THEM4: variants seen among roughly 807,000 people sequenced by gnomAD.
The protein encoded by THEM4 is thioesterase superfamily member 4, also known as acyl-coenzyme A thioesterase THEM4.
THEM4 carries 22 observed loss-of-function variants against 25.0 expected under a neutral mutation model. The observed-to-expected ratio is 0.88, with a 90% CI of 0.63 to 1.26. The LOEUF (loss-of-function observed/expected upper bound fraction) is 1.26, where lower values mean the gene tolerates loss of function less well. THEM4 is among the 50% of genes most tolerant of loss of function. The pLI is 0.00. For synonymous variants in THEM4, 113 were observed against 105.6 expected, an observed-to-expected ratio of 1.07 and a Z score of -0.43; for missense variants, 286 against 300.3, an observed-to-expected ratio of 0.95 and a Z score of 0.35.
chr1:151,904,541 G>C (rs964183744), intron 1 of THEM4, among the ~76,000 whole-genome samples: 3 of 152,108 alleles, frequency 2.0e-5, no homozygotes, highest in Non-Finnish European at 4.4e-5. Flanking sequence ...TTTTAAGCAA[G>C]GGAGTAATAT....
chr1:151,887,520 T>C (rs1315579054), intron 4 of THEM4, among the ~76,000 whole-genome samples: 1 of 150,672 alleles, frequency 6.6e-6, no homozygotes, highest in Non-Finnish European at 1.5e-5. Context: ...AGAGCAAAAG[T>C]CTTATACACT....
At chr1:151,889,167 TA>T in intron 3 of THEM4, 46 bp downstream of exon 3, 1 of 1,570,190 alleles carries the variant, frequency 6.4e-7, no homozygotes, top group Non-Finnish European at 8.7e-7. Flanking sequence ...GGGGGCAGTG[TA>T]AGATAAAAAT....
intron 1 of THEM4, among the ~76,000 whole-genome samples, chr1:151,901,237 A>G (rs1042398830): frequency 1.3e-5 from 2 of 152,226 alleles, no homozygotes; most frequent in African/African-American, 4.8e-5. Flanking sequence ...CTGCTGGGTT[A>G]GGGTCTCCAT....
chr1:151,879,047 T>C (rs983026056), intron 4 of THEM4, among the ~76,000 whole-genome samples: 1 of 152,106 alleles, frequency 6.6e-6, no homozygotes, highest in African/African-American at 2.4e-5. Flanking sequence ...AAAAAGGATA[T>C]AGATTTAGCT....
chr1:151,874,460 T>G lies in THEM4; in HGVS notation c.*428A>C, dbSNP rs1653626973. ...CATGATCTTGGCTCACTGCAACCTCTTCCTCCTGGGTTCAAGCAATTCTCC... is the reference window on the plus strand; with the variant it reads ...CATGATCTTGGCTCACTGCAACCTCGTCCTCCTGGGTTCAAGCAATTCTCC... On this transcript the variant is annotated 3_prime_UTR_variant, in exon 6 of 6. Coordinates refer to ENST00000368814, the MANE Select transcript of THEM4 (RefSeq NM_053055.5). 6.0e-6 allele frequency: 1 copy of G among 165,356 alleles called. No individual in the cohort carries two copies. The highest frequency in any genetic ancestry group is 2.4e-5 in the African/African-American group (1 of 41,626). 10.2% of individuals were successfully genotyped at this position (165,356 alleles called of 1,614,324 possible). A position where few individuals can be genotyped will look rare whatever the true frequency, so the allele number is the denominator to read the frequency against.
rs1015604840 is a variant in THEM4, at chr1:151,874,730, T to C, written c.*158A>G. 2.4e-5 allele frequency: 17 copies of C among 720,382 alleles called. No homozygotes were observed. Among genetic ancestry groups the C allele is most frequent in the Non-Finnish European group, 3.9e-5 (16 of 408,562 alleles). 44.6% of individuals were successfully genotyped at this position (720,382 alleles called of 1,614,324 possible). On this transcript the variant is annotated 3_prime_UTR_variant, in exon 6 of 6. Transcript: ENST00000368814. ...TTTCTGTGTTAAAAAGTTGAGAAGA[T>C]GGAAACTGAATCCTCTTTGTATTCA...
At chr1:151,908,807 G>T (rs1343279106) in intron 1 of THEM4, among the ~76,000 whole-genome samples, 1 of 152,112 alleles carries the variant, frequency 6.6e-6, no homozygotes, top group Non-Finnish European at 1.5e-5. Context: ...GGAACCCCAG[G>T]AATTAAAAGC....
At chr1:151,875,249 G>C (rs566828578) in intron 5 of THEM4, among the ~76,000 whole-genome samples, 1 of 152,196 alleles carries the variant, frequency 6.6e-6, no homozygotes, top group African/African-American at 2.4e-5. Context: ...AGTGAGACAG[G>C]AAGTACAAAC....
intron 1 of THEM4, among the ~76,000 whole-genome samples, chr1:151,903,747 G>A (rs1430842164): frequency 6.6e-6 from 1 of 152,126 alleles, no homozygotes; most frequent in African/African-American, 2.4e-5. Flanking sequence ...ATTAGCCACT[G>A]GTCTCATCTT....
At chr1:151,886,651 A>G (rs1653978116) in intron 4 of THEM4, among the ~76,000 whole-genome samples, 1 of 152,218 alleles carries the variant, frequency 6.6e-6, no homozygotes, top group South Asian at 2.1e-4. Context: ...ATTAATCTCT[A>G]GAATCAATGT....
At chr1:151,906,442 GC>G (rs907779610) in intron 1 of THEM4, among the ~76,000 whole-genome samples, 1 of 152,224 alleles carries the variant, frequency 6.6e-6, no homozygotes, top group Non-Finnish European at 1.5e-5. Context: ...CTCCTGCACG[GC>G]CCGAGCCTCC....
chr1:151,894,362 C>A (rs187888096), intron 2 of THEM4, among the ~76,000 whole-genome samples: 1 of 151,986 alleles, frequency 6.6e-6, no homozygotes, highest in African/African-American at 2.4e-5. Flanking sequence ...AAACTATGGA[C>A]CTTAATTAAG....
intron 5 of THEM4, among the ~76,000 whole-genome samples, chr1:151,876,749 G>T (rs185360608): frequency 6.6e-6 from 1 of 152,188 alleles, no homozygotes. Flanking sequence ...GCATTGGGCT[G>T]TAATTTTGAT....
chr1:151,874,891 T>C lies in THEM4; in HGVS notation c.720A>G (p.Thr240=). 6.2e-7 allele frequency: 1 copy of C among 1,613,758 alleles called. No individual in the cohort carries two copies. The highest frequency in any genetic ancestry group is 8.5e-7 in the Non-Finnish European group (1 of 1,179,754). Residue 240 remains threonine, a synonymous_variant, in exon 6 of 6, where the codon ACA becomes ACG. Coordinates refer to ENST00000368814, the MANE Select transcript of THEM4 (RefSeq NM_053055.5). ...GATGGAGTTCACCAGCAGCTCTTTA[T>C]GTCAGACTTTTAGCAGGATTCAGCT... is the stretch of plus-strand genomic sequence containing the variant. ...FIKLNPAKSL[T] is the part of the protein sequence containing the mutation.
intron 4 of THEM4, among the ~76,000 whole-genome samples, chr1:151,877,861 T>C (rs1558188032): frequency 6.6e-6 from 1 of 152,182 alleles, no homozygotes; most frequent in South Asian, 2.1e-4. Flanking sequence ...GATATCTCTT[T>C]AAAAGTGAAA....
chr1:151,892,764 T>A (rs2101725072), intron 2 of THEM4, among the ~76,000 whole-genome samples: 1 of 152,204 alleles, frequency 6.6e-6, no homozygotes, highest in South Asian at 2.1e-4. Context: ...ATTTCAACCA[T>A]TTAATTAAGA....
intron 4 of THEM4, 139 bp from the exon 5 acceptor site, chr1:151,877,264 T>C (rs2101715172): frequency 1.2e-6 from 1 of 817,812 alleles, no homozygotes; most frequent in East Asian, 3.0e-5. Context: ...AGACAATACA[T>C]TCCTCAAGGA....
At chr1:151,892,889 G>T (rs1381162223) in intron 2 of THEM4, among the ~76,000 whole-genome samples, 1 of 152,166 alleles carries the variant, frequency 6.6e-6, no homozygotes, top group Non-Finnish European at 1.5e-5. Flanking sequence ...CAACATGAAG[G>T]GTTTGAGGAT....
rs1653637691 is a variant in THEM4, at chr1:151,874,850, G to A, written c.*38C>T. Reference sequence around the variant, plus strand: ...TATTTGGGGGACAACTGCTTCTTCTGGAGGGGCGAGAATGAGATGGAGTTC... The same window carrying A: ...TATTTGGGGGACAACTGCTTCTTCTAGAGGGGCGAGAATGAGATGGAGTTC... On this transcript the variant is annotated 3_prime_UTR_variant, in exon 6 of 6. Transcript: ENST00000368814. 2 of 1,603,302 alleles carry A rather than the reference G, an allele frequency of 1.2e-6. No homozygotes were observed. The highest frequency in any genetic ancestry group is 1.7e-6 in the Non-Finnish European group (2 of 1,171,284).
Sources: gnomAD v4.1 joint callset for allele counts (sites outside exome capture counted in the v4.1 genomes callset) on GRCh38, gnomAD v4.1.1 for gene constraint, MANE v1.5 for transcripts, NCBI Gene and HGNC (gene_info 2026-07-23, HGNC 2026-07-21) for gene names.